NOSTRIN: variants seen among roughly 807,000 people sequenced by gnomAD.
The protein encoded by NOSTRIN is nitric oxide synthase trafficking, also known as BM247 homolog.
Under a neutral mutation model 59.0 loss-of-function variants are expected in NOSTRIN, and 63 were observed. The observed-to-expected ratio is 1.07, with a 90% CI of 0.87 to 1.32. The LOEUF is 1.32. Among genes scored for constraint, NOSTRIN ranks in the 40% most tolerant of loss-of-function variants. NOSTRIN has a pLI of 0.00. For missense variants in NOSTRIN, 512 were observed against 473.1 expected, an observed-to-expected ratio of 1.08 and a Z score of -0.76; for synonymous variants, 200 against 165.4, an observed-to-expected ratio of 1.21 and a Z score of -1.61.
chr2:168,792,161 AAT>A (rs1685373644), intron 2 of NOSTRIN, among the ~76,000 whole-genome samples: 1 of 151,980 alleles, frequency 6.6e-6, no homozygotes, highest in South Asian at 2.1e-4. Flanking sequence ...AATTTTTGTA[AAT>A]ATATTTGTTT....
At chr2:168,845,785 T>TCGTC (rs1479262109) in intron 8 of NOSTRIN, among the ~76,000 whole-genome samples, 3 of 92,868 alleles carry the variant, frequency 3.2e-5, no homozygotes, top group African/African-American at 1.7e-4. Flanking sequence ...TTAGTTTTTT[T>TCGTC]CTTCCTTTTT....
At chr2:168,856,956 A>G (rs1689164112) in intron 12 of NOSTRIN, among the ~76,000 whole-genome samples, 178 bp downstream of exon 12, 2 of 152,216 alleles carry the variant, frequency 1.3e-5, no homozygotes, top group East Asian at 3.8e-4. Flanking sequence ...GAAAAATACA[A>G]CTACCTAGAA....
intron 1 of NOSTRIN, chr2:168,787,814 T>G (rs1685244435): frequency 6.6e-6 from 1 of 152,232 alleles, no homozygotes; most frequent in African/African-American, 2.4e-5. Flanking sequence ...AGTAGAAGAC[T>G]GAAACTGGAG....
chr2:168,833,628 C>T (rs569831056), intron 6 of NOSTRIN, among the ~76,000 whole-genome samples: 1 of 152,282 alleles, frequency 6.6e-6, no homozygotes, highest in Admixed American at 6.5e-5. Context: ...TCCAAAGGGT[C>T]AGCATGAACA....
At position 168,828,516 on chromosome 2, in the gene NOSTRIN, T is replaced by G. The variant is rs1367601996; in HGVS notation, c.342+15T>G. On this transcript the variant is annotated intron_variant, in intron 5 of 15. Coordinates refer to ENST00000317647, the MANE Select transcript of NOSTRIN (RefSeq NM_001039724.4). ...AGAGAAAATCAGTGAGTCCAAACCT[T>G]TCTTTACTCTTCCTGTTTAAAGCAA... 4 of 842,544 alleles carry G rather than the reference T, an allele frequency of 4.7e-6. No individual in the cohort carries two copies. Among genetic ancestry groups the G allele is most frequent in the Non-Finnish European group, 8.1e-6 (4 of 491,192 alleles). The allele number at this position is 842,544 out of a possible 1,614,324, so 52.2% of individuals were successfully genotyped here. A position where few individuals can be genotyped will look rare whatever the true frequency, so the allele number is the denominator to read the frequency against.
Position 168,855,466 on chromosome 2 carries a change from T to C in NOSTRIN, c.964+6T>C, listed in dbSNP as rs749616522. On this transcript the variant is annotated splice_donor_region_variant and intron_variant, in intron 11 of 15. Transcript: ENST00000317647. ...AGCCTCAAAAGACAAGGAAGGTGTGTAACCATCTCTTTGAATGGCCAGAAA... is the reference window on the plus strand; with the variant it reads ...AGCCTCAAAAGACAAGGAAGGTGTGCAACCATCTCTTTGAATGGCCAGAAA... 2.6e-6 allele frequency: 4 copies of C among 1,527,904 alleles called. No individual in the cohort carries two copies. Among genetic ancestry groups the C allele is most frequent in the Non-Finnish European group, 3.6e-6 (4 of 1,105,194 alleles). 94.6% of individuals were successfully genotyped at this position (1,527,904 alleles called of 1,614,324 possible).
chr2:168,831,382 G>A (rs1052029968), intron 5 of NOSTRIN, 90 bp from the exon 6 acceptor site: 25 of 732,984 alleles, frequency 3.4e-5, no homozygotes, highest in African/African-American at 1.7e-4. Context: ...GGTTTCAATC[G>A]ATACATTTTA....
In NOSTRIN at chr2:168,865,095, G is replaced by A. The variant is rs1256229142; in HGVS notation, c.*125G>A. 9.2e-6 allele frequency: 9 copies of A among 977,104 alleles called. No homozygotes were observed. Among genetic ancestry groups the A allele is most frequent in the Non-Finnish European group, 1.0e-5 (7 of 667,704 alleles). 60.5% of individuals were successfully genotyped at this position (977,104 alleles called of 1,614,324 possible). A position where few individuals can be genotyped will look rare whatever the true frequency, so the allele number is the denominator to read the frequency against. ...GAAATGGATGGAGTTCTACCTGCAT[G>A]TCACAGCACTTTGCATTCATGATTA... On this transcript the variant is annotated 3_prime_UTR_variant, in exon 16 of 16. Transcript: ENST00000317647.
intron 2 of NOSTRIN, among the ~76,000 whole-genome samples, chr2:168,821,361 TG>T (rs1295326665): frequency 6.6e-6 from 1 of 152,186 alleles, no homozygotes; most frequent in Non-Finnish European, 1.5e-5. Context: ...TCAAAAGTGG[TG>T]AGGTGAGAAC....
chr2:168,806,658 C>A (rs1574258001), intron 1 of NOSTRIN, among the ~76,000 whole-genome samples: 1 of 152,046 alleles, frequency 6.6e-6, no homozygotes, highest in Admixed American at 6.6e-5. Context: ...GGAGAAAAAC[C>A]TCATCGTGTT....
intron 8 of NOSTRIN, among the ~76,000 whole-genome samples, chr2:168,844,393 TA>T (rs10636938): frequency 5.3e-5 from 8 of 151,086 alleles, no homozygotes; most frequent in Non-Finnish European, 8.9e-5. Context: ...GTTTTAAGTT[TA>T]AAAAAAAAAT....
At chr2:168,819,211 A>C (rs1686586616) in intron 2 of NOSTRIN, among the ~76,000 whole-genome samples, 1 of 152,008 alleles carries the variant, frequency 6.6e-6, no homozygotes, top group African/African-American at 2.4e-5. Context: ...GAGATAAAGC[A>C]CCTCCCTTTG....
chr2:168,839,900 A>T (rs13028271), intron 7 of NOSTRIN, among the ~76,000 whole-genome samples: 1,813 of 123,044 alleles, frequency 0.015, 15 homozygotes, highest in Middle Eastern at 0.025. Context: ...AAAAAAAAAA[A>T]ATATATATAT....
At chr2:168,818,275 T>C in intron 2 of NOSTRIN, 1 of 421,410 alleles carries the variant, frequency 2.4e-6, no homozygotes. Flanking sequence ...CGCCTCAGCC[T>C]CTCAAGTAGC....
chr2:168,831,555 T>A, intron 6 of NOSTRIN, 21 bp downstream of exon 6: 1 of 848,384 alleles, frequency 1.2e-6, no homozygotes, highest in Non-Finnish European at 2.1e-6. Flanking sequence ...ACAAATACCA[T>A]TTGTGTAAAC....
At chr2:168,843,275 A>C (rs1413346752) in intron 8 of NOSTRIN, among the ~76,000 whole-genome samples, 158 bp downstream of exon 8, 1 of 152,204 alleles carries the variant, frequency 6.6e-6, no homozygotes, top group Non-Finnish European at 1.5e-5. Context: ...TCATTGTTTC[A>C]GTTTCTCCAT....
chr2:168,849,451 G>T (rs1438485499), intron 8 of NOSTRIN, among the ~76,000 whole-genome samples: 1 of 151,882 alleles, frequency 6.6e-6, no homozygotes, highest in Non-Finnish European at 1.5e-5. Context: ...CACCTCCCAG[G>T]TCCAAGCGAT....
chr2:168,840,529 CAAAA>C (rs59235003), intron 7 of NOSTRIN, among the ~76,000 whole-genome samples: 4 of 99,322 alleles, frequency 4.0e-5, no homozygotes, highest in Non-Finnish European at 7.9e-5. Context: ...GACTCCATCT[CAAAA>C]AAAAAAAAAA....
chr2:168,788,618 G>T (rs1309208300), intron 2 of NOSTRIN, among the ~76,000 whole-genome samples: 1 of 152,178 alleles, frequency 6.6e-6, no homozygotes, highest in Non-Finnish European at 1.5e-5. Flanking sequence ...AGCATGGAAA[G>T]TCAGAGTGGA....
Sources: gnomAD v4.1 joint callset for allele counts (sites outside exome capture counted in the v4.1 genomes callset) on GRCh38, gnomAD v4.1.1 for gene constraint, MANE v1.5 for transcripts, NCBI Gene and HGNC (gene_info 2026-07-23, HGNC 2026-07-21) for gene names.